Variants in MYH7B observed in about 807,000 individuals in gnomAD.
MYH7B encodes myosin heavy chain 7B, also known as myosin-7B.
Under a neutral mutation model 234.5 loss-of-function variants are expected in MYH7B, and 205 were observed. That is an observed-to-expected ratio of 0.87 (90% confidence interval 0.78 to 0.98). The LOEUF is 0.98. MYH7B is among the 50% of genes least tolerant of loss of function. The pLI, the probability that MYH7B is intolerant of heterozygous loss-of-function variation, is 0.00. For missense variants in MYH7B, 2,652 were observed against 2,633.4 expected (o/e 1.01, Z -0.15); for synonymous variants, 1,193 against 1,105.0 (o/e 1.08, Z -1.58).
intron 2 of MYH7B, among the ~76,000 whole-genome samples, chr20:34,961,992 C>T (rs938746054): frequency 2.0e-5 from 3 of 152,022 alleles, no homozygotes; most frequent in African/African-American, 4.8e-5. Context: ...CAACACTTTG[C>T]GAGGTTGAGG....
chr20:34,975,622 G>A, intron 3 of MYH7B, 123 bp downstream of exon 3: 1 of 620,472 alleles, frequency 1.6e-6, no homozygotes, highest in Non-Finnish European at 3.0e-6. Flanking sequence ...CTACCGAGAG[G>A]GGACCCGCGT....
chr20:34,995,631 G>A, intron 28 of MYH7B, 53 bp downstream of exon 28: 5 of 1,601,092 alleles, frequency 3.1e-6, no homozygotes, highest in Non-Finnish European at 4.3e-6. Flanking sequence ...GCCAGCTTTG[G>A]GGCCAGGTGG....
chr20:34,995,311 T>C (rs2425014), intron 27 of MYH7B, 25 bp from the exon 28 acceptor site: 1,151,887 of 1,602,324 alleles, frequency 0.72, 416,124 homozygotes, highest in Admixed American at 0.86. Flanking sequence ...TCCCCCAACC[T>C]GGCCCCGTTC....
At chr20:35,001,063 G>C (rs755761316) in exon 41 of MYH7B, 6 of 1,613,870 alleles carry the variant, frequency 3.7e-6, no homozygotes, top group Middle Eastern at 1.7e-4. Context: ...GAAGACGCTG[G>C]AGCAGACGGT....
chr20:34,997,639 A>G, exon 32 of MYH7B: 2 of 1,613,212 alleles, frequency 1.2e-6, no homozygotes, highest in Non-Finnish European at 1.7e-6. Flanking sequence ...ACCCGCGCCA[A>G]GGTGTCCGTG....
intron 2 of MYH7B, among the ~76,000 whole-genome samples, chr20:34,974,115 C>A (rs1172670037): frequency 6.6e-6 from 1 of 151,800 alleles, no homozygotes; most frequent in Non-Finnish European, 1.5e-5. Flanking sequence ...TTAGTAGAGA[C>A]AGGGTTTCAC....
At chr20:34,994,197 G>T (rs1435547480) in exon 27 of MYH7B, 1 of 1,613,358 alleles carries the variant, frequency 6.2e-7, no homozygotes, top group African/African-American at 1.3e-5. Flanking sequence ...ATGCCGTCAA[G>T]AACTGGTCAT....
chr20:34,962,678 A>G (rs2081708640), intron 2 of MYH7B, among the ~76,000 whole-genome samples: 1 of 152,100 alleles, frequency 6.6e-6, no homozygotes, highest in Non-Finnish European at 1.5e-5. Context: ...GTCAGGCTGG[A>G]GAGCAGTGGT....
At chr20:34,975,724 AT>A (rs948480169) in intron 3 of MYH7B, among the ~76,000 whole-genome samples, 1 of 150,792 alleles carries the variant, frequency 6.6e-6, no homozygotes, top group Non-Finnish European at 1.5e-5. Context: ...TGGCACTGTA[AT>A]TTTTTTTTGA....
intron 3 of MYH7B, among the ~76,000 whole-genome samples, chr20:34,976,350 G>A (rs1360711604): frequency 4.6e-5 from 7 of 152,222 alleles, no homozygotes; most frequent in Admixed American, 4.6e-4. Context: ...GACTTCCCGT[G>A]TGAGCCTGGT....
intron 2 of MYH7B, among the ~76,000 whole-genome samples, chr20:34,974,328 C>A (rs1290625237): frequency 6.6e-6 from 1 of 151,238 alleles, no homozygotes; most frequent in Non-Finnish European, 1.5e-5. Context: ...CCTCAGCCTC[C>A]GAAAGTGCTG....
intron 4 of MYH7B, 58 bp downstream of exon 4, chr20:34,977,738 G>GGGGGGGGGGT: frequency 9.5e-6 from 3 of 317,146 alleles, no homozygotes; most frequent in Non-Finnish European, 1.8e-5. Context: ...GGGCGGGTGG[G>GGGGGGGGGGT]TGAGGGTGCC....
At chr20:34,990,435 T>C (rs1286368771) in intron 22 of MYH7B, 125 bp downstream of exon 22, 2 of 1,038,000 alleles carry the variant, frequency 1.9e-6, no homozygotes, top group Admixed American at 1.7e-5. Flanking sequence ...GTTTAACTCC[T>C]CTCCACGTGA....
intron 5 of MYH7B, 81 bp downstream of exon 5, chr20:34,978,177 C>T (rs2081887758): frequency 1.3e-6 from 2 of 1,546,452 alleles, no homozygotes; most frequent in Admixed American, 3.5e-5. Context: ...AGGGGTGGCA[C>T]CAGCTCAGGG....
intron 30 of MYH7B, 121 bp downstream of exon 30, chr20:34,996,879 G>C (rs1381226670): frequency 7.1e-7 from 1 of 1,404,010 alleles, no homozygotes; most frequent in Non-Finnish European, 9.6e-7. Context: ...GACAGATGGG[G>C]CACTGGGGTG....
chr20:35,001,419 T>A lies in MYH7B; in HGVS notation c.5581-12T>A. On this transcript the variant is annotated splice_polypyrimidine_tract_variant and intron_variant, in intron 42 of 44. Coordinates refer to ENST00000262873, the Ensembl canonical transcript of MYH7B. ...AGCCCAAGCAAGCCCTGAGTCCCCCTTGCCCGCCCAGGCCGAGGAGGACAG... is the reference window on the plus strand; with the variant it reads ...AGCCCAAGCAAGCCCTGAGTCCCCCATGCCCGCCCAGGCCGAGGAGGACAG... The A allele has an allele frequency of 6.3e-7, 1 of 1,595,914 alleles. No homozygotes were observed. The highest frequency in any genetic ancestry group is 8.5e-7 in the Non-Finnish European group (1 of 1,171,526).
chr20:34,979,431 G>A (rs769463180), exon 6 of MYH7B: 4 of 1,613,966 alleles, frequency 2.5e-6, no homozygotes, highest in African/African-American at 2.7e-5. Context: ...GGACGCCTAC[G>A]TGGAGGCCGA....
At chr20:34,975,891 T>C (rs2147163867) in intron 3 of MYH7B, among the ~76,000 whole-genome samples, 1 of 152,268 alleles carries the variant, frequency 6.6e-6, no homozygotes, top group South Asian at 2.1e-4. Flanking sequence ...AATTTTTTTG[T>C]ATTTTTACTA....
At chr20:34,975,322 A>T in intron 2 of MYH7B, 78 bp from the exon 3 acceptor site, 1 of 503,138 alleles carries the variant, frequency 2.0e-6, no homozygotes, top group Non-Finnish European at 3.6e-6. Flanking sequence ...CTCCCACCTC[A>T]GCCTCCTGAG....
Sources: gnomAD v4.1 joint callset for allele counts (sites outside exome capture counted in the v4.1 genomes callset) on GRCh38, gnomAD v4.1.1 for gene constraint, MANE v1.5 for transcripts, NCBI Gene and HGNC (gene_info 2026-07-23, HGNC 2026-07-21) for gene names.